The following EED variants were observed in gnomAD, a reference collection of about 807,000 sequenced individuals.
EED encodes the protein embryonic ectoderm development.
EED carries 9 observed loss-of-function variants against 61.0 expected under a neutral mutation model. The observed-to-expected ratio is 0.15, with a 90% CI of 0.09 to 0.26. The LOEUF (loss-of-function observed/expected upper bound fraction) is 0.26, where lower values mean the gene tolerates loss of function less well. Among genes scored for constraint, EED ranks in the 10% least tolerant of loss-of-function variants. The pLI is 1.00. For synonymous variants in EED, 187 were observed against 174.4 expected, an observed-to-expected ratio of 1.07 and a Z score of -0.57; for missense variants, 315 against 542.3, an observed-to-expected ratio of 0.58 and a Z score of 4.16.
At chr11:86,255,364 T>A (rs1289709321) in intron 4 of EED, 77 bp downstream of exon 4, 10 of 1,150,260 alleles carry the variant, frequency 8.7e-6, no homozygotes, top group African/African-American at 1.5e-5. Flanking sequence ...TTTTATAAAT[T>A]AATCATTTCC....
chr11:86,246,125 C>T (rs529756296), intron 1 of EED, among the ~76,000 whole-genome samples: 104 of 152,158 alleles, frequency 6.8e-4, no homozygotes, highest in Non-Finnish European at 1.1e-3. Flanking sequence ...TTTTTAAGCT[C>T]TGAAATGGGT....
chr11:86,268,594 C>CGTGTGTCT, intron 9 of EED, 33 bp downstream of exon 9: 1 of 819,598 alleles, frequency 1.2e-6, no homozygotes. Context: ...GTACTTCCAT[C>CGTGTGTCT]GTGTGTGTGT....
At chr11:86,269,004 G>A (rs1431873876) in intron 9 of EED, among the ~76,000 whole-genome samples, 1 of 152,102 alleles carries the variant, frequency 6.6e-6, no homozygotes. Flanking sequence ...TTATACAGAT[G>A]CTCCTCAACT....
intron 1 of EED, among the ~76,000 whole-genome samples, chr11:86,248,418 A>T (rs1344789183): frequency 6.6e-6 from 1 of 152,224 alleles, no homozygotes; most frequent in Non-Finnish European, 1.5e-5. Context: ...AAAGAAACTG[A>T]TATATAAAAA....
chr11:86,277,993 TA>T lies in EED; in HGVS notation c.1199+4del. 1 of 1,529,604 alleles carries T rather than the reference TA, an allele frequency of 6.5e-7. No homozygotes were observed. The highest frequency in any genetic ancestry group is 1.3e-5 in the South Asian group (1 of 74,606). 94.8% of individuals were successfully genotyped at this position (1,529,604 alleles called of 1,614,324 possible). On this transcript the variant is annotated splice_donor_region_variant and intron_variant, in intron 11 of 11. Transcript: ENST00000263360. ...AGTAGAAGATCCTCATAAAGCCAAGTAAGTATTTAGAAATTTCTGTTCAAAA... is the reference window on the plus strand; with the variant it reads ...AGTAGAAGATCCTCATAAAGCCAAGTAGTATTTAGAAATTTCTGTTCAAAA...
At chr11:86,251,068 A>G (rs1945519596) in intron 2 of EED, among the ~76,000 whole-genome samples, 1 of 152,054 alleles carries the variant, frequency 6.6e-6, no homozygotes, top group African/African-American at 2.4e-5. Flanking sequence ...TTGTTTTTTA[A>G]ATGTGAGGCT....
intron 8 of EED, chr11:86,268,219 C>G (rs1372487648): frequency 9.0e-6 from 3 of 333,990 alleles, no homozygotes; most frequent in Non-Finnish European, 1.6e-5. Flanking sequence ...TGTTTATAAA[C>G]AAAGTATCTA....
intron 3 of EED, among the ~76,000 whole-genome samples, chr11:86,254,074 A>AAAG (rs1945606331): frequency 1.3e-5 from 2 of 148,926 alleles, no homozygotes; most frequent in Non-Finnish European, 3.0e-5. Flanking sequence ...AAAAAAAAAA[A>AAAG]AGAAAATGGA....
At chr11:86,252,024 C>G in intron 2 of EED, 124 bp from the exon 3 acceptor site, 1 of 552,228 alleles carries the variant, frequency 1.8e-6, no homozygotes, top group Non-Finnish European at 3.0e-6. Flanking sequence ...CAAAAGTTAG[C>G]TTATGTATGA....
intron 4 of EED, among the ~76,000 whole-genome samples, chr11:86,255,554 T>C (rs1945648205): frequency 6.6e-6 from 1 of 152,068 alleles, no homozygotes; most frequent in African/African-American, 2.4e-5. Context: ...TCTATAGAGA[T>C]AGGAGCATTA....
At chr11:86,283,590 G>A (rs1946348092), downstream of EED, among the ~76,000 whole-genome samples, 2 of 152,198 alleles carry the variant, frequency 1.3e-5, no homozygotes, top group Admixed American at 6.5e-5. Flanking sequence ...TAAGCTAACA[G>A]TAAGAGGCTA....
At chr11:86,282,503 A>G (rs1209860373), downstream of EED, among the ~76,000 whole-genome samples, 5 of 152,102 alleles carry the variant, frequency 3.3e-5, no homozygotes, top group African/African-American at 1.2e-4. Context: ...TTTTGCTATT[A>G]TAGGTAGTAT....
chr11:86,249,084 AG>A (rs1184125709), intron 1 of EED, among the ~76,000 whole-genome samples: 1 of 152,220 alleles, frequency 6.6e-6, no homozygotes, highest in Admixed American at 6.5e-5. Flanking sequence ...GATAATGCAT[AG>A]TTTTCCACTG....
chr11:86,248,424 A>G (rs758965871), intron 1 of EED, among the ~76,000 whole-genome samples: 9 of 152,214 alleles, frequency 5.9e-5, no homozygotes, highest in Non-Finnish European at 7.3e-5. Context: ...ACTGATATAT[A>G]AAAACGTCTT....
At chr11:86,257,630 AT>A (rs1565693678) in intron 6 of EED, 34 bp downstream of exon 6, 1 of 1,556,838 alleles carries the variant, frequency 6.4e-7, no homozygotes, top group Non-Finnish European at 8.8e-7. Flanking sequence ...AGTCTGTGCA[AT>A]TTGTCAGAAT....
chr11:86,276,916 T>G, intron 9 of EED, 64 bp from the exon 10 acceptor site: 2 of 1,371,026 alleles, frequency 1.5e-6, no homozygotes, highest in Non-Finnish European at 1.9e-6. Flanking sequence ...AAAGCCTTGT[T>G]TTTACTTTGT....
chr11:86,257,690 C>T (rs756294242), intron 6 of EED, 94 bp downstream of exon 6: 439 of 997,408 alleles, frequency 4.4e-4, no homozygotes, highest in Non-Finnish European at 6.0e-4. Context: ...TAGGAAAAAC[C>T]ATGAGAAGAG....
Position 86,245,020 on chromosome 11 carries a change from GGCGC to G in EED, c.-199_-196del. ...AAGGAGCCAGGAAGCCGCGCGGGAG[GGCGC>G]GCGCGCGCGCCCCTTTTTCAGCAGT... is the stretch of plus-strand genomic sequence containing the variant. On this transcript the variant is annotated 5_prime_UTR_variant, in exon 1 of 12. Transcript: ENST00000263360. The G allele has an allele frequency of 2.1e-6, 1 of 470,990 alleles. No individual in the cohort carries two copies. 29.2% of individuals were successfully genotyped at this position (470,990 alleles called of 1,614,324 possible). A position where few individuals can be genotyped will look rare whatever the true frequency, so the allele number is the denominator to read the frequency against.
At chr11:86,252,483 T>C (rs7102560) in intron 3 of EED, among the ~76,000 whole-genome samples, 257 of 149,996 alleles carry the variant, frequency 1.7e-3, no homozygotes, top group African/African-American at 6.2e-3. Flanking sequence ...GTATTTGTCT[T>C]CATAAATACT....
Sources: allele counts gnomAD v4.1 joint callset (sites outside exome capture counted in the v4.1 genomes callset), GRCh38; gene constraint gnomAD v4.1.1; transcripts MANE v1.5; gene names NCBI Gene and HGNC (gene_info 2026-07-23, HGNC 2026-07-21).